ADAM2: variants seen among roughly 807,000 people sequenced by gnomAD.
ADAM2 encodes the protein disintegrin and metalloproteinase domain-containing protein 2.
Under a neutral mutation model 99.3 loss-of-function variants are expected in ADAM2, and 101 were observed. That is an observed-to-expected ratio of 1.02 (90% CI 0.87 to 1.20). ADAM2 has a LOEUF of 1.20. Among genes scored for constraint, ADAM2 ranks in the 50% most tolerant of loss-of-function variants. ADAM2 has a pLI of 0.00. For missense variants in ADAM2, 948 were observed against 878.7 expected (o/e 1.08, Z -1.00); for synonymous variants, 323 against 287.6 (o/e 1.12, Z -1.25).
intron 11 of ADAM2, among the ~76,000 whole-genome samples, chr8:39,774,315 T>C (rs1405590181): frequency 6.6e-6 from 1 of 151,916 alleles, no homozygotes; most frequent in Non-Finnish European, 1.5e-5. Context: ...CCCTAAGCAC[T>C]GCGATAAGGC....
chr8:39,757,849 A>T (rs1376497709), intron 15 of ADAM2, among the ~76,000 whole-genome samples: 1 of 152,222 alleles, frequency 6.6e-6, no homozygotes, highest in Non-Finnish European at 1.5e-5. Flanking sequence ...AGTAAAATAT[A>T]ACATAGAGGG....
intron 14 of ADAM2, among the ~76,000 whole-genome samples, chr8:39,764,332 C>T (rs1802480911): frequency 6.6e-6 from 1 of 152,154 alleles, no homozygotes; most frequent in South Asian, 2.1e-4. Context: ...ATCACTTGAC[C>T]TTGGGAGTTG....
chr8:39,837,334 C>T lies in ADAM2; in HGVS notation c.56-122G>A, dbSNP rs571576731. 264 of 598,046 alleles carry T rather than the reference C, an allele frequency of 4.4e-4. 1 individual carries two copies. The South Asian group carries it at 5.0e-3, about 11-fold the overall frequency. The allele number at this position is 598,046 out of a possible 1,614,324, so 37.0% of individuals were successfully genotyped here. On this transcript the variant is annotated intron_variant, in intron 1 of 20. Coordinates refer to ENST00000265708, the MANE Select transcript of ADAM2 (RefSeq NM_001464.5). ...CGCTGCTTCTCATTTTTATTATCTT[C>T]CCATTTCTTTCTAAAAATACAAGGA...
chr8:39,776,655 G>T (rs530445508), intron 11 of ADAM2, among the ~76,000 whole-genome samples: 1 of 152,262 alleles, frequency 6.6e-6, no homozygotes, highest in South Asian at 2.1e-4. Flanking sequence ...CAGATGCTGA[G>T]ACTTCAGGCT....
Position 39,788,744 on chromosome 8 carries a change from T to G in ADAM2, c.571-4A>C, listed in dbSNP as rs371570310. The G allele has an allele frequency of 4.9e-6, 7 of 1,442,444 alleles. No individual in the cohort carries two copies. In the African/African-American group the frequency reaches 1.0e-4, roughly 21 times the overall value. The allele number at this position is 1,442,444 out of a possible 1,614,324, so 89.4% of individuals were successfully genotyped here. On this transcript the variant is annotated splice_region_variant and splice_polypyrimidine_tract_variant and intron_variant, in intron 7 of 20. Transcript: ENST00000265708. ...TATCAGACCCCATATGATTATACTGTAAAATATTATTACATTTTAGATATA... is the reference window on the plus strand; with the variant it reads ...TATCAGACCCCATATGATTATACTGGAAAATATTATTACATTTTAGATATA...
intron 7 of ADAM2, among the ~76,000 whole-genome samples, chr8:39,789,900 A>G (rs1803630109): frequency 6.6e-6 from 1 of 151,878 alleles, no homozygotes; most frequent in African/African-American, 2.4e-5. Flanking sequence ...CATTTCTCCA[A>G]ATAAGATATG....
At chr8:39,768,003 T>A (rs1040112758) in intron 12 of ADAM2, among the ~76,000 whole-genome samples, 5 of 151,594 alleles carry the variant, frequency 3.3e-5, no homozygotes, top group African/African-American at 1.2e-4. Context: ...AAAAGATAAA[T>A]CATGAGTTTA....
At chr8:39,754,939 T>C (rs1298268341) in intron 16 of ADAM2, among the ~76,000 whole-genome samples, 2 of 152,182 alleles carry the variant, frequency 1.3e-5, no homozygotes, top group Non-Finnish European at 2.9e-5. Flanking sequence ...ATTCTACAAC[T>C]CCATGTGTGT....
At position 39,745,336 on chromosome 8, in the gene ADAM2, C is replaced by T. The variant is rs1027418569; in HGVS notation, c.2175-443G>A. Among the ~76,000 whole-genome samples, 8 of 151,970 alleles carry T rather than the reference C, an allele frequency of 5.3e-5. 1 individual carries two copies. The highest frequency in any genetic ancestry group is 1.9e-4 in the African/African-American group (8 of 41,386). Reference sequence around the variant, plus strand: ...TTTAAATAATGACTAAGTTATTACTCGTTTAGGTGCTGTATATTATTTCAG... The same window carrying T: ...TTTAAATAATGACTAAGTTATTACTTGTTTAGGTGCTGTATATTATTTCAG... On this transcript the variant is annotated intron_variant, in intron 19 of 20. Transcript: ENST00000265708.
At chr8:39,765,050 T>G (rs1255777608) in intron 14 of ADAM2, among the ~76,000 whole-genome samples, 1 of 150,952 alleles carries the variant, frequency 6.6e-6, no homozygotes, top group African/African-American at 2.4e-5. Context: ...AATAAATAAA[T>G]AAATAAATAA....
At chr8:39,762,847 A>G (rs190588881) in intron 14 of ADAM2, among the ~76,000 whole-genome samples, 1 of 152,384 alleles carries the variant, frequency 6.6e-6, no homozygotes, top group Admixed American at 6.5e-5. Flanking sequence ...TTTATATACA[A>G]TAAAATATCT....
At chr8:39,808,174 G>T (rs1319337897) in intron 7 of ADAM2, among the ~76,000 whole-genome samples, 1 of 143,400 alleles carries the variant, frequency 7.0e-6, no homozygotes, top group Non-Finnish European at 1.5e-5. Flanking sequence ...CCTGTATGCA[G>T]AAAGTCCTAA....
chr8:39,789,888 G>A (rs1803629415), intron 7 of ADAM2, among the ~76,000 whole-genome samples: 2 of 151,658 alleles, frequency 1.3e-5, no homozygotes, highest in Non-Finnish European at 3.0e-5. Context: ...AATGTGAATA[G>A]ACATTTCTCC....
chr8:39,825,011 G>T, intron 3 of ADAM2, 114 bp from the exon 4 acceptor site: 4 of 611,996 alleles, frequency 6.5e-6, no homozygotes, highest in African/African-American at 1.9e-5. Context: ...AGAAACAGAG[G>T]GATATTTTCT....
At chr8:39,775,929 A>G (rs1417949254) in intron 11 of ADAM2, among the ~76,000 whole-genome samples, 3 of 152,110 alleles carry the variant, frequency 2.0e-5, no homozygotes, top group Non-Finnish European at 4.4e-5. Context: ...TCCTAGATGC[A>G]TGCTCAAGGC....
At chr8:39,830,629 A>G (rs1223513872) in intron 3 of ADAM2, among the ~76,000 whole-genome samples, 1 of 152,164 alleles carries the variant, frequency 6.6e-6, no homozygotes, top group Non-Finnish European at 1.5e-5. Flanking sequence ...TCATACCTTA[A>G]GAATAGGTGG....
intron 6 of ADAM2, among the ~76,000 whole-genome samples, chr8:39,810,958 G>A (rs1220066830): frequency 1.3e-4 from 20 of 151,344 alleles, no homozygotes; most frequent in Non-Finnish European, 5.9e-5. Context: ...AGGAGATAGA[G>A]ACCAAAAAAA....
intron 10 of ADAM2, among the ~76,000 whole-genome samples, chr8:39,779,423 A>C (rs1803131673): frequency 6.6e-6 from 1 of 152,112 alleles, no homozygotes; most frequent in Non-Finnish European, 1.5e-5. Context: ...CCTATCTCTG[A>C]ATATAGTCAC....
chr8:39,746,475 T>C lies in ADAM2; in HGVS notation c.2171A>G (p.Asp724Gly). ...KKWRTEDYSS[D>G]EQPESESEPK... ...CTTAAATATGAAATCAATATACTCA[T>C]CGCTTGAATAGTCCTCAGTTCTCCA... The change falls in exon 19 of 21, where the codon GAT (aspartate) becomes GGT (glycine). Residue 724 changes from aspartate (D) to glycine (G), a missense_variant. Physicochemically the swap from Asp to Gly is moderately conservative, Grantham distance 94. Transcript: ENST00000265708. 1 of 1,559,052 alleles carries C rather than the reference T, an allele frequency of 6.4e-7. No individual in the cohort carries two copies.
Sources: allele counts gnomAD v4.1 joint callset (sites outside exome capture counted in the v4.1 genomes callset), GRCh38; gene constraint gnomAD v4.1.1; transcripts MANE v1.5; gene names NCBI Gene and HGNC (gene_info 2026-07-23, HGNC 2026-07-21).